Variants in IFNAR2 observed in about 807,000 individuals in gnomAD.
IFNAR2 encodes interferon alpha and beta receptor subunit 2, also known as interferon alpha/beta receptor 2.
Under a neutral mutation model 49.4 loss-of-function variants are expected in IFNAR2, and 30 were observed. The ratio of observed to expected loss-of-function variants is 0.61; its 90% CI spans 0.45 to 0.82. The LOEUF (loss-of-function observed/expected upper bound fraction) is 0.82. Among genes scored for constraint, IFNAR2 ranks in the 40% least tolerant of loss-of-function variants. IFNAR2 has a pLI of 0.00. For missense variants in IFNAR2, 600 were observed against 622.7 expected, an observed-to-expected ratio of 0.96 and a Z score of 0.39; for synonymous variants, 224 against 234.5, an observed-to-expected ratio of 0.96 and a Z score of 0.41.
Position 33,252,965 on chromosome 21 carries a change from A to G in IFNAR2, c.709+135A>G, listed in dbSNP as rs1287072288. The G allele has an allele frequency of 5.2e-6, 4 of 766,610 alleles. No homozygotes were observed. The African/African-American group carries it at 6.9e-5, about 13-fold the overall frequency. The allele number at this position is 766,610 out of a possible 1,614,324, so 47.5% of individuals were successfully genotyped here. ...TTCTTCCAGTAAACACCTCACAGAGATGTTTTCTGTTGGTTCGTGTGTATG... is the reference window on the plus strand; with the variant it reads ...TTCTTCCAGTAAACACCTCACAGAGGTGTTTTCTGTTGGTTCGTGTGTATG... On this transcript the variant is annotated intron_variant, in intron 7 of 8. Coordinates refer to ENST00000342136, the MANE Select transcript of IFNAR2 (RefSeq NM_001289125.3).
At chr21:33,259,990 A>AT (rs1336577298) in intron 7 of IFNAR2, among the ~76,000 whole-genome samples, 2 of 152,222 alleles carry the variant, frequency 1.3e-5, no homozygotes, top group Non-Finnish European at 2.9e-5. Flanking sequence ...CCTTAGTGAT[A>AT]TAACTACTGA....
rs1207548010 is a variant in IFNAR2, at chr21:33,263,459, G to C, written c.1507G>C (p.Glu503Gln). ...TCCATCTGATCAAAGTGACACTTCT[G>C]AGTCAGATGTTGACCTTGGGGATGG... is the stretch of plus-strand genomic sequence containing the variant. ...DAPSDQSDTS[E>Q]SDVDLGDGYI... The change falls in exon 9 of 9, where the codon GAG becomes CAG. Residue 503 changes from glutamate to glutamine, a missense_variant. By Grantham distance (29) the Glu-to-Gln change is conservative. Coordinates refer to ENST00000342136, the MANE Select transcript of IFNAR2 (RefSeq NM_001289125.3). 4 of 1,613,376 alleles carry C rather than the reference G, an allele frequency of 2.5e-6. No individual in the cohort carries two copies. The highest frequency in any genetic ancestry group is 3.4e-6 in the Non-Finnish European group (4 of 1,179,708).
rs767767144 is a variant in IFNAR2 at position 33,262,837 on chromosome 21, G to A, written c.885G>A (p.Pro295=). 15 of 1,609,548 alleles carry A rather than the reference G, an allele frequency of 9.3e-6. No homozygotes were observed. The highest frequency in any genetic ancestry group is 4.4e-5 in the South Asian group (4 of 90,382). The change falls in exon 9 of 9, where the codon CCG becomes CCA. Residue 295 remains proline (P), a synonymous_variant. Transcript: ENST00000342136. The part of the protein sequence containing the change: ...FLAWPFPNLP[P]LEAMDMVEVI... The stretch of plus-strand genomic sequence containing the variant: ...CCTGGCCATTTCCTAACCTGCCACC[G>A]TTGGAAGCCATGGATATGGTGGAGG...
chr21:33,252,202 G>C (rs761961830), intron 6 of IFNAR2: 2 of 470,738 alleles, frequency 4.2e-6, no homozygotes, highest in African/African-American at 4.0e-5. Flanking sequence ...CCTTGGAGAA[G>C]TTACTTAGCC....
Position 33,252,706 on chromosome 21 carries a change from T to C in IFNAR2, c.585T>C (p.Tyr195=). 6.2e-7 allele frequency: 1 copy of C among 1,613,846 alleles called. No homozygotes were observed. Among genetic ancestry groups the C allele is most frequent in the Non-Finnish European group, 8.5e-7 (1 of 1,179,814 alleles). ...IKGNMSGNFT[Y]IIDKLIPNTN... The stretch of plus-strand genomic sequence containing the variant: ...GAAACATGAGTGGAAATTTCACCTA[T>C]ATCATTGACAAGTTAATTCCAAACA... The change falls in exon 7 of 9, where the codon TAT becomes TAC. Residue 195 remains tyrosine (Y), a synonymous_variant. Transcript: ENST00000342136.
At chr21:33,253,013 T>C (rs1238694865) in intron 7 of IFNAR2, 183 bp downstream of exon 7, 1 of 627,848 alleles carries the variant, frequency 1.6e-6, no homozygotes, top group Admixed American at 2.8e-5. Flanking sequence ...CACTTTTATA[T>C]TGTCATACCA....
intron 7 of IFNAR2, among the ~76,000 whole-genome samples, chr21:33,253,044 CGAT>C (rs1219674080): frequency 6.6e-6 from 1 of 152,120 alleles, no homozygotes; most frequent in East Asian, 1.9e-4. Flanking sequence ...AGATACTACT[CGAT>C]GAGATCAGAA....
rs1270522380 is a variant in IFNAR2, at chr21:33,230,071, G to GGCCGCTTTTGTCCCCCGCCC, written c.-221_-202dup. 3.0e-6 allele frequency: 3 copies of GGCCGCTTTTGTCCCCCGCCC among 987,104 alleles called. No homozygotes were observed. Among genetic ancestry groups the GGCCGCTTTTGTCCCCCGCCC allele is most frequent in the Non-Finnish European group, 3.6e-6 (3 of 830,744 alleles). 61.1% of individuals were successfully genotyped at this position (987,104 alleles called of 1,614,324 possible). On this transcript the variant is annotated 5_prime_UTR_variant, in exon 1 of 9. Transcript: ENST00000342136. The surrounding 1 kb of genome is among the most constrained non-coding windows in gnomAD (Gnocchi z 5.5). Reference sequence around the variant, plus strand: ...CCGCGGACCACCACCCGGCCGCACGGGCCGCTTTTGTCCCCCGCCCGCCGC... The same window carrying GGCCGCTTTTGTCCCCCGCCC: ...CCGCGGACCACCACCCGGCCGCACGGGCCGCTTTTGTCCCCCGCCCGCCGCTTTTGTCCCCCGCCCGCCGC...
intron 1 of IFNAR2, among the ~76,000 whole-genome samples, chr21:33,240,418 C>G (rs1419167645): frequency 1.3e-5 from 2 of 152,206 alleles, no homozygotes; most frequent in African/African-American, 2.4e-5. Context: ...TAAGTATACT[C>G]TGATGTTCAT....
Position 33,237,078 on chromosome 21 carries a change from G to GGTGTGTGTGTGTGT in IFNAR2, c.-83-4743_-83-4730dup, listed in dbSNP as rs34322078. Among the ~76,000 whole-genome samples the GGTGTGTGTGTGTGT allele has an allele frequency of 8.5e-3, 1,261 of 147,668 alleles. 6 individuals are homozygous for GGTGTGTGTGTGTGT. The highest frequency in any genetic ancestry group is 0.011 in the Non-Finnish European group (769 of 66,942). On this transcript the variant is annotated intron_variant, in intron 1 of 8. Coordinates refer to ENST00000342136, the MANE Select transcript of IFNAR2 (RefSeq NM_001289125.3). ...CCCCTGGCCCAGAGGGGGAGAATGG[G>GGTGTGTGTGTGTGT]GTGTGTGTGTGTGTGTGTGTGTGTG...
chr21:33,233,686 TCAG>T (rs1986226251), intron 1 of IFNAR2, among the ~76,000 whole-genome samples: 1 of 152,016 alleles, frequency 6.6e-6, no homozygotes, highest in South Asian at 2.1e-4. Context: ...CAAAGGGAAT[TCAG>T]CACCCATGAA....
At chr21:33,238,223 T>A (rs1351982318) in intron 1 of IFNAR2, among the ~76,000 whole-genome samples, 6 of 152,222 alleles carry the variant, frequency 3.9e-5, no homozygotes, top group Admixed American at 3.3e-4. Flanking sequence ...CTTTGTCTCC[T>A]GGCAGTCAAC....
In IFNAR2 at chr21:33,263,117, G is replaced by A; in HGVS notation, c.1165G>A (p.Glu389Lys). 1 of 1,614,176 alleles carries A rather than the reference G, an allele frequency of 6.2e-7. No individual in the cohort carries two copies. ...GCCAAAGGACAGCCCTCAGCAGTTG[G>A]AACTCTTGAGTGGGCCCTGTGAGAG... The part of the protein sequence containing the change: ...TMPKDSPQQL[E>K]LLSGPCERRK... Residue 389 changes from glutamate (E) to lysine (K), a missense_variant, in exon 9 of 9, where the codon GAA becomes AAA. Transcript: ENST00000342136.
At chr21:33,244,049 C>T (rs779482474) in intron 3 of IFNAR2, among the ~76,000 whole-genome samples, 1 of 152,208 alleles carries the variant, frequency 6.6e-6, no homozygotes, top group African/African-American at 2.4e-5. Flanking sequence ...AATTTACATT[C>T]TTCCACCCTG....
At chr21:33,256,079 G>A (rs962477277) in intron 7 of IFNAR2, among the ~76,000 whole-genome samples, 9 of 152,176 alleles carry the variant, frequency 5.9e-5, no homozygotes, top group Non-Finnish European at 7.3e-5. Context: ...CAGACAGATG[G>A]TGGTTTATTG....
chr21:33,258,380 T>G (rs892532064), intron 7 of IFNAR2, among the ~76,000 whole-genome samples: 1 of 151,808 alleles, frequency 6.6e-6, no homozygotes, highest in Admixed American at 6.6e-5. Context: ...AGAGTGAGGA[T>G]GAAGGAGGGG....
At chr21:33,260,842 C>T in intron 8 of IFNAR2, 115 bp downstream of exon 8, 1 of 616,476 alleles carries the variant, frequency 1.6e-6, no homozygotes, top group Non-Finnish European at 2.6e-6. Flanking sequence ...TCTATAAACA[C>T]CAAAATGCTT....
At chr21:33,257,630 C>G (rs1313523802) in intron 7 of IFNAR2, among the ~76,000 whole-genome samples, 1 of 152,056 alleles carries the variant, frequency 6.6e-6, no homozygotes, top group Non-Finnish European at 1.5e-5. Context: ...TTACAATCCT[C>G]TTGTGAGACA....
chr21:33,246,722 C>G lies in IFNAR2; in HGVS notation c.226C>G (p.Pro76Ala). The G allele has an allele frequency of 6.2e-7, 1 of 1,606,706 alleles. No individual in the cohort carries two copies. Among genetic ancestry groups the G allele is most frequent in the Non-Finnish European group, 8.5e-7 (1 of 1,177,442 alleles). ...TCCATTTTTTTCTTTCCAAAGTAAA[C>G]CAGAAGATTTGAAGGTGGTTAAGAA... ...YTLLYTIMSK[P>A]EDLKVVKNCA... The change falls in exon 5 of 9, where the codon CCA (proline) becomes GCA (alanine). Residue 76 changes from proline to alanine, a missense_variant. Physicochemically the swap from Pro to Ala is conservative, Grantham distance 27. Transcript: ENST00000342136.
Sources: gnomAD v4.1 joint callset for allele counts (sites outside exome capture counted in the v4.1 genomes callset) on GRCh38, gnomAD v4.1.1 for gene constraint, Gnocchi (gnomAD v3.1) non-coding constraint, MANE v1.5 for transcripts, NCBI Gene and HGNC (gene_info 2026-07-23, HGNC 2026-07-21) for gene names.